Variants in TRIO observed in about 807,000 individuals in gnomAD.
TRIO encodes the protein triple functional domain protein.
In TRIO, 58 loss-of-function variants were observed where a neutral mutation model predicts 351.9. That is an observed-to-expected ratio of 0.16 (90% confidence interval 0.13 to 0.21). TRIO has a LOEUF of 0.21. TRIO is among the 10% of genes least tolerant of loss of function. TRIO has a pLI of 1.00. For missense variants in TRIO, 3,201 were observed against 4,027.8 expected (o/e 0.79, Z 5.56); for synonymous variants, 1,758 against 1,595.7 (o/e 1.10, Z -2.42).
intron 48 of TRIO, among the ~76,000 whole-genome samples, chr5:14,490,017 A>T (rs1263266893): frequency 6.6e-6 from 1 of 152,114 alleles, no homozygotes. Flanking sequence ...GATGTCTCAC[A>T]CCTGTAATCC....
rs141984882 is a variant in TRIO, at chr5:14,366,901, C to T, written c.2796C>T (p.Ala932=). The change falls in exon 16 of 57, where the codon GCC becomes GCT. Residue 932 remains alanine, a synonymous_variant. Coordinates refer to ENST00000344204, the MANE Select transcript of TRIO (RefSeq NM_007118.4). The part of the protein sequence containing the change: ...WIRNGESMLN[A]GLITASSLQE... ...GCAACGGAGAGTCCATGTTAAATGC[C>T]GGACTTATCACAGCCAGCTCGTTAC... The T allele has an allele frequency of 4.3e-5, 69 of 1,614,012 alleles. No individual in the cohort carries two copies. The highest frequency in any genetic ancestry group is 1.6e-4 in the Middle Eastern group (1 of 6,084).
chr5:14,406,550 TAA>T (rs1748736092), intron 32 of TRIO, 21 bp from the exon 33 acceptor site: 1 of 1,612,744 alleles, frequency 6.2e-7, no homozygotes, highest in Admixed American at 1.7e-5. Context: ...CATCAGGAAC[TAA>T]AAGTTTCTTT....
intron 5 of TRIO, among the ~76,000 whole-genome samples, chr5:14,292,755 G>A (rs1366318885): frequency 6.6e-6 from 1 of 152,218 alleles, no homozygotes; most frequent in Non-Finnish European, 1.5e-5. Context: ...GGGGATTAGA[G>A]TAACTCTCTT....
intron 1 of TRIO, among the ~76,000 whole-genome samples, chr5:14,157,576 T>TCC (rs1788191999): frequency 6.6e-6 from 1 of 151,906 alleles, no homozygotes; most frequent in African/African-American, 2.4e-5. Context: ...TCTCTCTCTC[T>TCC]CTCCCTGTCT....
At chr5:14,315,147 G>C (rs1348321111) in intron 8 of TRIO, among the ~76,000 whole-genome samples, 1 of 151,932 alleles carries the variant, frequency 6.6e-6, no homozygotes, top group Non-Finnish European at 1.5e-5. Context: ...GGCTCTCAGT[G>C]TTAGCTTTTC....
chr5:14,480,747 G>A (rs28218), intron 43 of TRIO, among the ~76,000 whole-genome samples: 24,028 of 152,060 alleles, frequency 0.16, 1,979 homozygotes, highest in Admixed American at 0.21. Context: ...TGAAATCTAC[G>A]TAGGAATGCC....
intron 1 of TRIO, among the ~76,000 whole-genome samples, chr5:14,204,813 C>G (rs77137402): frequency 0.015 from 2,249 of 152,298 alleles, 21 homozygotes; most frequent in Middle Eastern, 0.024. Flanking sequence ...TCTGTTTCCT[C>G]ACTGTAAAAT....
chr5:14,491,217 C>T (rs1312958011), intron 48 of TRIO, among the ~76,000 whole-genome samples: 1 of 152,204 alleles, frequency 6.6e-6, no homozygotes, highest in Non-Finnish European at 1.5e-5. Context: ...TTTTGGCCAG[C>T]TACAGCAGTC....
chr5:14,284,096 A>G (rs1183503693), intron 3 of TRIO, among the ~76,000 whole-genome samples: 1 of 152,242 alleles, frequency 6.6e-6, no homozygotes, highest in Non-Finnish European at 1.5e-5. Flanking sequence ...TGATTCATTC[A>G]TAAATACTCA....
intron 1 of TRIO, among the ~76,000 whole-genome samples, chr5:14,162,088 G>T (rs1788493429): frequency 6.6e-6 from 1 of 152,200 alleles, no homozygotes; most frequent in Admixed American, 6.5e-5. Flanking sequence ...AGTATTAGTT[G>T]TGGGTTATGG....
At chr5:14,342,152 C>CT (rs1741992678) in intron 11 of TRIO, among the ~76,000 whole-genome samples, 1 of 151,340 alleles carries the variant, frequency 6.6e-6, no homozygotes, top group Non-Finnish European at 1.5e-5. Flanking sequence ...TGCACTGGGG[C>CT]CGGGGGAGGG....
At chr5:14,365,293 C>T (rs977103208) in intron 15 of TRIO, among the ~76,000 whole-genome samples, 9 of 152,194 alleles carry the variant, frequency 5.9e-5, no homozygotes, top group African/African-American at 1.9e-4. Context: ...TTGCTTTTGG[C>T]TCAGTGCCAG....
chr5:14,261,249 T>TAGTGTTTG (rs1189397040), intron 1 of TRIO, among the ~76,000 whole-genome samples: 5 of 152,190 alleles, frequency 3.3e-5, no homozygotes, highest in Non-Finnish European at 7.3e-5. Flanking sequence ...ACCTGTTGTA[T>TAGTGTTTG]AGTGTTTGTT....
chr5:14,364,030 G>T, intron 14 of TRIO, 103 bp downstream of exon 14: 1 of 1,167,144 alleles, frequency 8.6e-7, no homozygotes, highest in South Asian at 1.6e-5. Context: ...TAGTTCCTAT[G>T]ATAAAGGTAT....
rs975580668 is a variant in TRIO, at chr5:14,487,825, C to T, written c.7197C>T (p.Ala2399=). The T allele has an allele frequency of 6.7e-7, 1 of 1,491,280 alleles. No homozygotes were observed. The highest frequency in any genetic ancestry group is 8.9e-7 in the Non-Finnish European group (1 of 1,119,940). The allele number at this position is 1,491,280 out of a possible 1,614,324, so 92.4% of individuals were successfully genotyped here. A position where few individuals can be genotyped will look rare whatever the true frequency, so the allele number is the denominator to read the frequency against. Reference sequence around the variant, plus strand: ...GCAGGCGGCCCCCCGGCGCGGACGCCGAGGGGTCCGAGCGAGAAGCGGAGC... The same window carrying T: ...GCAGGCGGCCCCCCGGCGCGGACGCTGAGGGGTCCGAGCGAGAAGCGGAGC... ...APSRRPPGAD[A]EGSEREAEPI... is the part of the protein sequence containing the mutation. Residue 2399 remains alanine, a synonymous_variant, in exon 48 of 57, where the codon GCC becomes GCT. Transcript: ENST00000344204.
intron 9 of TRIO, among the ~76,000 whole-genome samples, chr5:14,323,277 G>C (rs1305848682): frequency 6.6e-6 from 1 of 152,062 alleles, no homozygotes; most frequent in Non-Finnish European, 1.5e-5. Flanking sequence ...CATTTTCCAG[G>C]TAATAAAAGC....
intron 1 of TRIO, among the ~76,000 whole-genome samples, chr5:14,181,435 C>T (rs1247185924): frequency 1.3e-5 from 2 of 152,200 alleles, no homozygotes; most frequent in Non-Finnish European, 2.9e-5. Flanking sequence ...CCTGGGGGGT[C>T]CCTGGCACTG....
intron 34 of TRIO, among the ~76,000 whole-genome samples, chr5:14,429,631 T>C (rs1323667674): frequency 6.6e-6 from 1 of 152,218 alleles, no homozygotes; most frequent in Non-Finnish European, 1.5e-5. Flanking sequence ...GGAGAACTTT[T>C]TTCTAAATAA....
chr5:14,469,033 G>A (rs1297090945), intron 37 of TRIO, among the ~76,000 whole-genome samples: 1 of 152,172 alleles, frequency 6.6e-6, no homozygotes, highest in Non-Finnish European at 1.5e-5. Flanking sequence ...CCGCCACAGT[G>A]ATTGTGTGAA....
Sources: gnomAD v4.1 joint callset for allele counts (sites outside exome capture counted in the v4.1 genomes callset) on GRCh38, gnomAD v4.1.1 for gene constraint, MANE v1.5 for transcripts, NCBI Gene and HGNC (gene_info 2026-07-23, HGNC 2026-07-21) for gene names.